TMEM114: variants seen among roughly 807,000 people sequenced by gnomAD.
TMEM114 encodes transmembrane protein 114.
Under a neutral mutation model 6.2 loss-of-function variants are expected in TMEM114, and 6 were observed. The ratio of observed to expected loss-of-function variants is 0.97; its 90% CI spans 0.53 to 1.91. TMEM114 has a LOEUF of 1.91. TMEM114 is among the 40% of genes most tolerant of loss of function. The probability of loss-of-function intolerance (pLI) is 0.01; values close to 1 mark genes in which losing one functional copy is unlikely to be tolerated. For missense variants in TMEM114, 218 were observed against 158.3 expected (o/e 1.38, Z -2.02); for synonymous variants, 104 against 73.0 (o/e 1.42, Z -2.16).
At chr16:8,578,976 C>A (rs1320300168) in intron 2 of TMEM114, among the ~76,000 whole-genome samples, 1 of 151,950 alleles carries the variant, frequency 6.6e-6, no homozygotes, top group Non-Finnish European at 1.5e-5. Context: ...GAGACTCCAT[C>A]TCAAAAAAAT....
chr16:8,583,287 T>G (rs905355500), intron 2 of TMEM114, among the ~76,000 whole-genome samples: 5 of 152,100 alleles, frequency 3.3e-5, no homozygotes, highest in Non-Finnish European at 7.4e-5. Flanking sequence ...CTCTATTTCA[T>G]AGATGAAAAG....
chr16:8,563,325 A>ATGAGTGAGTGACTGAG (rs1567202881), intron 2 of TMEM114, among the ~76,000 whole-genome samples: 2 of 115,788 alleles, frequency 1.7e-5, no homozygotes, highest in Non-Finnish European at 1.8e-5. Context: ...GAGGGAGGGT[A>ATGAGTGAGTGACTGAG]TGAGTGAGTG....
chr16:8,568,047 G>A (rs913601878), downstream of TMEM114, among the ~76,000 whole-genome samples: 1 of 152,170 alleles, frequency 6.6e-6, no homozygotes, highest in African/African-American at 2.4e-5. Context: ...GAAGTAGGGG[G>A]AGGACCATCT....
intron 2 of TMEM114, among the ~76,000 whole-genome samples, chr16:8,575,732 G>C (rs185025386): frequency 3.3e-4 from 51 of 152,300 alleles, no homozygotes; most frequent in Admixed American, 1.7e-3. Context: ...AGGTAAAATG[G>C]ACAAACTTCT....
the TMEM114 span, among the ~76,000 whole-genome samples, chr16:8,528,977 G>A: frequency 6.6e-6 from 1 of 152,212 alleles, no homozygotes; most frequent in Non-Finnish European, 1.5e-5. Context: ...TCTAGATCTT[G>A]TCTATTTCAT....
downstream of TMEM114, among the ~76,000 whole-genome samples, chr16:8,535,944 G>T (rs1900343764): frequency 6.6e-6 from 1 of 152,136 alleles, no homozygotes; most frequent in Non-Finnish European, 1.5e-5. Flanking sequence ...GAAGGGAGTG[G>T]GGAGGGCGCG....
chr16:8,559,873 C>T (rs1901142513), intron 2 of TMEM114, among the ~76,000 whole-genome samples: 1 of 152,096 alleles, frequency 6.6e-6, no homozygotes, highest in Non-Finnish European at 1.5e-5. Context: ...CTCTTTAGAC[C>T]CCAAAGGTGA....
intron 2 of TMEM114, among the ~76,000 whole-genome samples, chr16:8,552,396 A>T: frequency 6.6e-6 from 1 of 151,950 alleles, no homozygotes; most frequent in South Asian, 2.1e-4. Context: ...TAAAAGAAAA[A>T]AAAAATACTA....
downstream of TMEM114, among the ~76,000 whole-genome samples, chr16:8,535,656 G>T (rs566862302): frequency 6.6e-6 from 1 of 152,310 alleles, no homozygotes; most frequent in African/African-American, 2.4e-5. Context: ...TATGAGTTCT[G>T]TGATGAATGT....
At chr16:8,588,601 C>T (rs1173044741) in intron 2 of TMEM114, among the ~76,000 whole-genome samples, 4 of 152,186 alleles carry the variant, frequency 2.6e-5, no homozygotes, top group African/African-American at 7.2e-5. Flanking sequence ...TTACTGAGTT[C>T]CAGGCACTGA....
chr16:8,572,724 C>T (rs956608094), intron 2 of TMEM114, among the ~76,000 whole-genome samples: 3 of 152,214 alleles, frequency 2.0e-5, no homozygotes, highest in African/African-American at 7.2e-5. Context: ...GTGTGAGCCA[C>T]TGTGCCTGGC....
chr16:8,557,921 C>G (rs771249972), intron 2 of TMEM114, among the ~76,000 whole-genome samples: 2 of 152,200 alleles, frequency 1.3e-5, no homozygotes, highest in Non-Finnish European at 2.9e-5. Context: ...CTTAAAACAA[C>G]TGAAATGTAT....
intron 2 of TMEM114, among the ~76,000 whole-genome samples, chr16:8,557,401 T>C (rs544932451): frequency 2.6e-5 from 4 of 151,860 alleles, no homozygotes; most frequent in African/African-American, 4.8e-5. Flanking sequence ...CCCGAGATGA[T>C]GTAAAGAGAG....
rs1448148407 is a variant in TMEM114 at position 8,562,432 on chromosome 16, GTGAGTGAA to G, written n.213-24614_213-24607del. On this transcript the variant is annotated intron_variant and non_coding_transcript_variant, in intron 2 of 2. Coordinates refer to the TMEM114 transcript ENST00000623677. Reference sequence around the variant, plus strand: ...AGTAAATGAGTGAGTGAATAAGTGAGTGAGTGAATGAGTGAATGAGTGAGTGAGGGAGG... The same window carrying G: ...AGTAAATGAGTGAGTGAATAAGTGAGTGAGTGAATGAGTGAGTGAGGGAGG... Among the ~76,000 whole-genome samples the G allele has an allele frequency of 1.8e-4, 27 of 151,186 alleles. 1 individual carries two copies. Among genetic ancestry groups the G allele is most frequent in the Admixed American group, 2.6e-4 (4 of 15,234 alleles).
rs1248872360 is a variant in TMEM114, at chr16:8,564,377, ATGAGTGAGGGAATGAG to A, written n.212+24820_212+24835del. The stretch of plus-strand genomic sequence containing the variant: ...AGTCAGTGAGTGAATGAGTCAGTGA[ATGAGTGAGGGAATGAG>A]TGAGTGAGTGAATGAGTGAGTGAGT... On this transcript the variant is annotated intron_variant and non_coding_transcript_variant, in intron 2 of 2. Coordinates refer to the TMEM114 transcript ENST00000623677. Among the ~76,000 whole-genome samples the A allele has an allele frequency of 8.2e-3, 1,186 of 143,864 alleles. 12 individuals carry two copies. The highest frequency in any genetic ancestry group is 0.019 in the Middle Eastern group (5 of 258). 94.4% of individuals were successfully genotyped at this position (143,864 alleles called of 152,430 possible). A position where few individuals can be genotyped will look rare whatever the true frequency, so the allele number is the denominator to read the frequency against.
At position 8,561,402 on chromosome 16, in the gene TMEM114, C is replaced by T. The variant is rs149843948; in HGVS notation, n.213-23576G>A. Among the ~76,000 whole-genome samples, 688 of 152,346 alleles carry T rather than the reference C, an allele frequency of 4.5e-3. 3 individuals carry two copies. Among genetic ancestry groups the T allele is most frequent in the South Asian group, 0.012 (58 of 4,824 alleles). ...CTTTACAGAACTTCTTACCAGGAAG[C>T]ATACCCCGCATTCCACCAGCCATGT... On this transcript the variant is annotated intron_variant and non_coding_transcript_variant, in intron 2 of 2. Transcript: ENST00000623677.
At chr16:8,541,192 C>T (rs556939665) in intron 2 of TMEM114, among the ~76,000 whole-genome samples, 7 of 152,220 alleles carry the variant, frequency 4.6e-5, no homozygotes, top group African/African-American at 1.4e-4. Flanking sequence ...GAAGTTGGTG[C>T]TATTATTTTC....
chr16:8,536,278 C>T (rs1342228934), downstream of TMEM114, among the ~76,000 whole-genome samples: 1 of 151,526 alleles, frequency 6.6e-6, no homozygotes, highest in Non-Finnish European at 1.5e-5. Flanking sequence ...CCAACTCTTT[C>T]ATCTCTAACA....
intron 2 of TMEM114, among the ~76,000 whole-genome samples, chr16:8,538,326 A>G (rs1900420703): frequency 6.6e-6 from 1 of 151,132 alleles, no homozygotes. Context: ...TTTGCTCTGG[A>G]GGGGAAGCCA....
Sources: gnomAD v4.1 joint callset for allele counts (sites outside exome capture counted in the v4.1 genomes callset) on GRCh38, gnomAD v4.1.1 for gene constraint, MANE v1.5 for transcripts, NCBI Gene and HGNC (gene_info 2026-07-23, HGNC 2026-07-21) for gene names.